The following LPCAT2 variants were observed in gnomAD, a reference collection of about 807,000 sequenced individuals.
LPCAT2 encodes the protein 1-AGP acyltransferase 11.
In LPCAT2, 58 loss-of-function variants were observed where a neutral mutation model predicts 64.7. The observed-to-expected ratio is 0.90, with a 90% CI of 0.73 to 1.12. LPCAT2 has a LOEUF of 1.12. LPCAT2 is among the 50% of genes most tolerant of loss of function. The pLI, the probability that LPCAT2 is intolerant of heterozygous loss-of-function variation, is 0.00. For missense variants in LPCAT2, 579 were observed against 669.8 expected (o/e 0.86, Z 1.50); for synonymous variants, 252 against 245.3 (o/e 1.03, Z -0.26).
intron 2 of LPCAT2, among the ~76,000 whole-genome samples, chr16:55,526,980 A>G (rs1427354601): frequency 6.6e-6 from 1 of 152,196 alleles, no homozygotes; most frequent in African/African-American, 2.4e-5. Context: ...ATCAGAAGCT[A>G]TATCACTATG....
intron 7 of LPCAT2, among the ~76,000 whole-genome samples, chr16:55,537,230 A>G (rs986836507): frequency 6.6e-6 from 1 of 152,146 alleles, no homozygotes; most frequent in Non-Finnish European, 1.5e-5. Context: ...ATAATTGTCA[A>G]GAATACTTGT....
chr16:55,529,827 T>C lies in LPCAT2; in HGVS notation c.530-8T>C. The C allele has an allele frequency of 6.3e-7, 1 of 1,585,234 alleles. No homozygotes were observed. The highest frequency in any genetic ancestry group is 1.2e-5 in the South Asian group (1 of 86,398). On this transcript the variant is annotated splice_region_variant and splice_polypyrimidine_tract_variant and intron_variant, in intron 3 of 13. Transcript: ENST00000262134. ...TGGCTTGCCTGTAACTTTTCATTTGTTTTAAAGGACTGTTACGGGCTGTGC... is the reference window on the plus strand; with the variant it reads ...TGGCTTGCCTGTAACTTTTCATTTGCTTTAAAGGACTGTTACGGGCTGTGC...
At chr16:55,525,442 TTC>T in intron 1 of LPCAT2, 64 bp from the exon 2 acceptor site, 2 of 1,450,012 alleles carry the variant, frequency 1.4e-6, no homozygotes, top group Non-Finnish European at 9.5e-7. Context: ...TATTACATGT[TTC>T]TGTTTGATAG....
At chr16:55,556,604 C>G (rs1187592595) in intron 11 of LPCAT2, among the ~76,000 whole-genome samples, 1 of 152,066 alleles carries the variant, frequency 6.6e-6, no homozygotes, top group Non-Finnish European at 1.5e-5. Flanking sequence ...GGTGAAACCC[C>G]GTCTCTACTA....
At chr16:55,577,266 A>C (rs181149315) in intron 12 of LPCAT2, among the ~76,000 whole-genome samples, 7 of 152,160 alleles carry the variant, frequency 4.6e-5, no homozygotes, top group Non-Finnish European at 7.4e-5. Flanking sequence ...CCTACCCTTT[A>C]GGGACCATTA....
chr16:55,581,017 A>G (rs1242197548), intron 13 of LPCAT2, among the ~76,000 whole-genome samples: 1 of 152,142 alleles, frequency 6.6e-6, no homozygotes, highest in Non-Finnish European at 1.5e-5. Context: ...ATGGTTGGGG[A>G]CTGCTGCCTT....
At chr16:55,520,621 C>T (rs1963081837) in intron 1 of LPCAT2, among the ~76,000 whole-genome samples, 1 of 151,856 alleles carries the variant, frequency 6.6e-6, no homozygotes, top group Non-Finnish European at 1.5e-5. Flanking sequence ...TCATAAAAAA[C>T]CTCAATAAAT....
In LPCAT2 at chr16:55,509,297, C is replaced by A. The variant is rs200254323; in HGVS notation, c.116C>A (p.Pro39Gln). The change falls in exon 1 of 14, where the codon CCG becomes CAG. Residue 39 changes from proline to glutamine, a missense_variant. Transcript: ENST00000262134. ...VPRQASFFPP[P>Q]VPNPFVQQTQ... ...CGTCAGGCGTCCTTCTTCCCGCCGCCGGTGCCGAACCCCTTCGTGCAGCAG... is the reference window on the plus strand; with the variant it reads ...CGTCAGGCGTCCTTCTTCCCGCCGCAGGTGCCGAACCCCTTCGTGCAGCAG... The A allele has an allele frequency of 2.0e-6, 3 of 1,511,248 alleles. No homozygotes were observed. The highest frequency in any genetic ancestry group is 2.7e-6 in the Non-Finnish European group (3 of 1,122,030). 93.6% of individuals were successfully genotyped at this position (1,511,248 alleles called of 1,614,324 possible). A position where few individuals can be genotyped will look rare whatever the true frequency, so the allele number is the denominator to read the frequency against.
intron 4 of LPCAT2, among the ~76,000 whole-genome samples, chr16:55,530,505 A>G (rs758278202): frequency 2.2e-4 from 34 of 151,910 alleles, no homozygotes; most frequent in African/African-American, 8.2e-4. Context: ...GGGGGGGGTA[A>G]CATTTACTGC....
At position 55,528,602 on chromosome 16, in the gene LPCAT2, CTT is replaced by C. The variant is rs1963207727; in HGVS notation, c.529+9_529+10del. On this transcript the variant is annotated intron_variant, in intron 3 of 13. Coordinates refer to ENST00000262134, the MANE Select transcript of LPCAT2 (RefSeq NM_017839.5). The stretch of plus-strand genomic sequence containing the variant: ...AAGTCCCTCTGATTGGCAGTAAGTA[CTT>C]GTAAGGTAACGTAGATAAAATATTT... 6.3e-7 allele frequency: 1 copy of C among 1,586,304 alleles called. No homozygotes were observed. The highest frequency in any genetic ancestry group is 1.3e-5 in the African/African-American group (1 of 74,344).
intron 9 of LPCAT2, among the ~76,000 whole-genome samples, chr16:55,546,194 AAG>A (rs1963451965): frequency 6.6e-6 from 1 of 152,164 alleles, no homozygotes; most frequent in Non-Finnish European, 1.5e-5. Context: ...AGCACCAAAA[AAG>A]AGAAAGTTTG....
rs1362708611 is a variant in LPCAT2, at chr16:55,509,307, C to G, written c.126C>G (p.Asn42Lys). ...CCTTCTTCCCGCCGCCGGTGCCGAACCCCTTCGTGCAGCAGACGCAGATCG... is the reference window on the plus strand; with the variant it reads ...CCTTCTTCCCGCCGCCGGTGCCGAAGCCCTTCGTGCAGCAGACGCAGATCG... ...QASFFPPPVPNPFVQQTQIGS... is the reference protein window; with the variant it reads ...QASFFPPPVPKPFVQQTQIGS... The change falls in exon 1 of 14, where the codon AAC (asparagine) becomes AAG (lysine). Residue 42 changes from asparagine to lysine, a missense_variant. Physicochemically the swap from Asn to Lys is moderately conservative, Grantham distance 94. Transcript: ENST00000262134. The G allele has an allele frequency of 2.0e-5, 30 of 1,504,788 alleles. No homozygotes were observed. The highest frequency in any genetic ancestry group is 2.7e-5 in the Non-Finnish European group (30 of 1,118,366). 93.2% of individuals were successfully genotyped at this position (1,504,788 alleles called of 1,614,324 possible). A position where few individuals can be genotyped will look rare whatever the true frequency, so the allele number is the denominator to read the frequency against.
chr16:55,545,870 C>T, intron 9 of LPCAT2, 53 bp downstream of exon 9: 2 of 1,401,244 alleles, frequency 1.4e-6, no homozygotes, highest in South Asian at 1.2e-5. Context: ...ATTATTTGTG[C>T]ATGTCGTTTA....
intron 11 of LPCAT2, among the ~76,000 whole-genome samples, chr16:55,571,647 A>C (rs1963771568): frequency 6.6e-6 from 1 of 152,044 alleles, no homozygotes. Flanking sequence ...TTAAGTTTAT[A>C]ATTCTTCCTG....
Position 55,522,922 on chromosome 16 carries a change from G to A in LPCAT2, c.172-2586G>A, listed in dbSNP as rs191712408. On this transcript the variant is annotated intron_variant, in intron 1 of 13. Coordinates refer to ENST00000262134, the MANE Select transcript of LPCAT2 (RefSeq NM_017839.5). ...GTAAAGATTTTTTCAGAAGGACACA[G>A]AAAAGAATTAAACATAAAATAAAAA... is the stretch of plus-strand genomic sequence containing the variant. Among the ~76,000 whole-genome samples, 1,292 of 151,438 alleles carry A rather than the reference G, an allele frequency of 8.5e-3. 15 individuals are homozygous for A. The highest frequency in any genetic ancestry group is 0.014 in the Middle Eastern group (4 of 294).
chr16:55,527,458 C>T (rs1285682921), intron 2 of LPCAT2, among the ~76,000 whole-genome samples: 1 of 141,176 alleles, frequency 7.1e-6, no homozygotes, highest in Admixed American at 7.5e-5. Context: ...CCAGCCTGGG[C>T]ACCAGAGCAA....
Position 55,583,227 on chromosome 16 carries a change from ATT to A in LPCAT2, c.*132_*133del, listed in dbSNP as rs1264369933. 4.1e-6 allele frequency: 3 copies of A among 725,950 alleles called. No individual in the cohort carries two copies. Among genetic ancestry groups the A allele is most frequent in the African/African-American group, 3.5e-5 (2 of 56,564 alleles). 45.0% of individuals were successfully genotyped at this position (725,950 alleles called of 1,614,324 possible). A position where few individuals can be genotyped will look rare whatever the true frequency, so the allele number is the denominator to read the frequency against. On this transcript the variant is annotated 3_prime_UTR_variant, in exon 14 of 14. Transcript: ENST00000262134. Reference sequence around the variant, plus strand: ...AAGATTTTTAAAACAAAAATGATAGATTTTCTTACTAAAAATGTTTTTATTAA... The same window carrying A: ...AAGATTTTTAAAACAAAAATGATAGATTCTTACTAAAAATGTTTTTATTAA...
At chr16:55,571,714 T>C (rs1963772311) in intron 11 of LPCAT2, among the ~76,000 whole-genome samples, 1 of 152,178 alleles carries the variant, frequency 6.6e-6, no homozygotes, top group South Asian at 2.1e-4. Context: ...ATTCTTATCA[T>C]GATACTGATT....
intron 11 of LPCAT2, among the ~76,000 whole-genome samples, chr16:55,552,657 T>C (rs2142401143): frequency 6.6e-6 from 1 of 152,320 alleles, no homozygotes; most frequent in Non-Finnish European, 1.5e-5. Context: ...CATAGAAAAG[T>C]TTATTTATAA....
Sources: allele counts gnomAD v4.1 joint callset (sites outside exome capture counted in the v4.1 genomes callset), GRCh38; gene constraint gnomAD v4.1.1; transcripts MANE v1.5; gene names NCBI Gene and HGNC (gene_info 2026-07-23, HGNC 2026-07-21).